The following HECW1 variants were observed in gnomAD, a reference collection of about 807,000 sequenced individuals.
The protein encoded by HECW1 is E3 ubiquitin-protein ligase HECW1.
In HECW1, 61 loss-of-function variants were observed where a neutral mutation model predicts 182.3. The observed-to-expected ratio is 0.33, with a 90% confidence interval of 0.27 to 0.41. HECW1 has a LOEUF of 0.41. Among genes scored for constraint, HECW1 ranks in the 10% least tolerant of loss-of-function variants. The probability of loss-of-function intolerance (pLI) is 1.00; values close to 1 mark genes in which losing one functional copy is unlikely to be tolerated. For missense variants in HECW1, 1,739 were observed against 2,108.9 expected (o/e 0.82, Z 3.44); for synonymous variants, 859 against 832.6 (o/e 1.03, Z -0.55).
At chr7:43,192,809 A>C (rs1457067466) in intron 2 of HECW1, among the ~76,000 whole-genome samples, 1 of 152,168 alleles carries the variant, frequency 6.6e-6, no homozygotes, top group Non-Finnish European at 1.5e-5. Context: ...CGAACCCCAA[A>C]ATTGGGATTC....
At chr7:43,256,270 C>G (rs188626141) in intron 3 of HECW1, among the ~76,000 whole-genome samples, 101 of 152,222 alleles carry the variant, frequency 6.6e-4, no homozygotes, top group Middle Eastern at 6.8e-3. Context: ...TCATGGAGCA[C>G]TGTGAAAAGG....
chr7:43,464,316 C>T (rs1055850836), intron 14 of HECW1, among the ~76,000 whole-genome samples: 1 of 152,154 alleles, frequency 6.6e-6, no homozygotes, highest in Non-Finnish European at 1.5e-5. Flanking sequence ...GAATAAAATT[C>T]AGTTCCCCCA....
At chr7:43,430,779 T>TTATTATTATTATTATTATTATTATTA (rs1554410944) in intron 8 of HECW1, among the ~76,000 whole-genome samples, 2 of 141,720 alleles carry the variant, frequency 1.4e-5, no homozygotes, top group African/African-American at 2.6e-5. Flanking sequence ...TTTATTTTTC[T>TTATTATTATTATTATTATTATTATTA]TTATTATTAT....
intron 5 of HECW1, among the ~76,000 whole-genome samples, chr7:43,355,012 T>C (rs1050449829): frequency 1.4e-4 from 20 of 145,756 alleles, no homozygotes; most frequent in African/African-American, 5.0e-4. Context: ...TGAGATGACA[T>C]GTTCCAAGTG....
intron 3 of HECW1, among the ~76,000 whole-genome samples, chr7:43,254,016 T>A (rs1268319948): frequency 6.6e-6 from 1 of 152,230 alleles, no homozygotes; most frequent in Non-Finnish European, 1.5e-5. Flanking sequence ...CTGCCCACTG[T>A]GCAACCTTGA....
rs1339179713 is a variant in HECW1, at chr7:43,432,097, G to A, written c.802-5906G>A. Among the ~76,000 whole-genome samples, 1 of 151,896 alleles carries A rather than the reference G, an allele frequency of 6.6e-6. No homozygotes were observed. Among genetic ancestry groups the A allele is most frequent in the African/African-American group, 2.4e-5 (1 of 41,344 alleles). On this transcript the variant is annotated intron_variant, in intron 8 of 29. Transcript: ENST00000395891. The surrounding 1 kb of genome is among the most constrained non-coding windows in gnomAD (Gnocchi z 4.1). ...CCCACCTCGGCCTTCCAAAGTGCTG[G>A]GATTACAGGCATGAGCCACTGCACC...
chr7:43,350,489 G>C (rs559018672), intron 5 of HECW1, among the ~76,000 whole-genome samples: 1 of 152,198 alleles, frequency 6.6e-6, no homozygotes, highest in African/African-American at 2.4e-5. Flanking sequence ...TCTTCCTCAG[G>C]AATATCGTTT....
intron 2 of HECW1, among the ~76,000 whole-genome samples, chr7:43,168,396 G>A (rs568308905): frequency 2.0e-5 from 3 of 152,274 alleles, no homozygotes; most frequent in East Asian, 1.9e-4. Context: ...GGTGGCTCAC[G>A]CTTGTAATCT....
intron 24 of HECW1, among the ~76,000 whole-genome samples, chr7:43,512,875 G>A (rs955057479): frequency 3.3e-5 from 5 of 152,202 alleles, no homozygotes; most frequent in Non-Finnish European, 5.9e-5. Flanking sequence ...GCTGTGGCTG[G>A]AGGCAGCAAC....
In HECW1 at chr7:43,323,888, G is replaced by A. The variant is rs1001846822; in HGVS notation, c.460+3146G>A. Among the ~76,000 whole-genome samples the A allele has an allele frequency of 7.2e-5, 11 of 152,078 alleles. No homozygotes were observed. In the East Asian group the frequency reaches 2.1e-3, roughly 29 times the overall value. The stretch of plus-strand genomic sequence containing the variant: ...CATCTCTGCTAAAATACAAAAATTA[G>A]CCAGGCACGGTGGCATGAGCCTGTA... On this transcript the variant is annotated intron_variant, in intron 5 of 29. Coordinates refer to ENST00000395891, the MANE Select transcript of HECW1 (RefSeq NM_015052.5).
At chr7:43,183,013 C>G (rs1394759892) in intron 2 of HECW1, among the ~76,000 whole-genome samples, 3 of 152,064 alleles carry the variant, frequency 2.0e-5, no homozygotes. Flanking sequence ...GTACTACTGA[C>G]TTTTATATGT....
intron 3 of HECW1, among the ~76,000 whole-genome samples, chr7:43,271,591 C>T (rs1430731499): frequency 6.6e-6 from 1 of 151,984 alleles, no homozygotes; most frequent in Non-Finnish European, 1.5e-5. Flanking sequence ...AGAATGCAAT[C>T]CAATTTACAA....
chr7:43,519,309 G>A (rs1159471046), intron 24 of HECW1, among the ~76,000 whole-genome samples: 3 of 151,726 alleles, frequency 2.0e-5, no homozygotes, highest in East Asian at 1.9e-4. Context: ...GCAATGGCAC[G>A]ATCTTGGCTC....
chr7:43,295,048 C>A (rs1805868962), intron 3 of HECW1, among the ~76,000 whole-genome samples: 1 of 152,118 alleles, frequency 6.6e-6, no homozygotes, highest in African/African-American at 2.4e-5. Flanking sequence ...CAGTTACATT[C>A]TTTAGAGTTT....
At chr7:43,274,823 A>G (rs959411003) in intron 3 of HECW1, among the ~76,000 whole-genome samples, 8 of 152,252 alleles carry the variant, frequency 5.3e-5, no homozygotes, top group African/African-American at 1.9e-4. Flanking sequence ...CTTTAAAAAG[A>G]CTGTGAAATC....
intron 19 of HECW1, among the ~76,000 whole-genome samples, chr7:43,496,654 T>C (rs184537182): frequency 2.3e-4 from 35 of 152,310 alleles, no homozygotes; most frequent in Admixed American, 2.0e-3. Flanking sequence ...GAGCAGATGG[T>C]GACCCCTGTT....
In HECW1 at chr7:43,445,423, G is replaced by A. The variant is rs759036848; in HGVS notation, c.2251G>A (p.Asp751Asn). ...EENSAFESVP[D>N]SMQSPELDPE... ...GAACAGCGCGTTCGAGTCGGTACCC[G>A]ACTCCATGCAGAGCCCTGAGCTGGA... The change falls in exon 11 of 30, where the codon GAC (aspartate) becomes AAC (asparagine). Residue 751 changes from aspartate (D) to asparagine (N), a missense_variant. Around this residue, in one of 5 missense-constraint regions of HECW1, gnomAD observed 971 missense variants for 1,029.1 expected, o/e 0.94. Coordinates refer to ENST00000395891, the MANE Select transcript of HECW1 (RefSeq NM_015052.5). The A allele has an allele frequency of 1.2e-6, 2 of 1,613,398 alleles. No homozygotes were observed. Among genetic ancestry groups the A allele is most frequent in the Admixed American group, 1.7e-5 (1 of 60,028 alleles).
intron 2 of HECW1, among the ~76,000 whole-genome samples, chr7:43,193,977 A>C (rs1300710212): frequency 6.6e-6 from 1 of 152,208 alleles, no homozygotes; most frequent in East Asian, 1.9e-4. Context: ...AAATGCTTTG[A>C]TTCGCTTCAG....
chr7:43,466,357 C>A, intron 14 of HECW1, 90 bp from the exon 15 acceptor site: 1 of 1,347,170 alleles, frequency 7.4e-7, no homozygotes, highest in South Asian at 1.3e-5. Context: ...TGGGTGAAGG[C>A]TTGTGTGCTG....
Sources: allele counts gnomAD v4.1 joint callset (sites outside exome capture counted in the v4.1 genomes callset), GRCh38; gene constraint gnomAD v4.1.1; regional missense constraint gnomAD v4.1.1; non-coding constraint Gnocchi (gnomAD v3.1); transcripts MANE v1.5; gene names NCBI Gene and HGNC (gene_info 2026-07-23, HGNC 2026-07-21).